The following GALM variants were observed in gnomAD, a reference collection of about 807,000 sequenced individuals.
The protein encoded by GALM is galactose mutarotase.
In GALM, 43 loss-of-function variants were observed where a neutral mutation model predicts 37.4. The ratio of observed to expected loss-of-function variants is 1.15; its 90% CI spans 0.90 to 1.48. The LOEUF is 1.48. GALM is among the 40% of genes most tolerant of loss of function. GALM has a pLI of 0.00. For missense variants in GALM, 456 were observed against 419.1 expected (o/e 1.09, Z -0.77); for synonymous variants, 199 against 170.6 (o/e 1.17, Z -1.30).
At chr2:38,703,066 A>G (rs1321857366) in intron 4 of GALM, among the ~76,000 whole-genome samples, 44 of 2,952 alleles carry the variant, frequency 0.015, no homozygotes, top group African/African-American at 0.03. Context: ...ATATATATAT[A>G]TATATATATA....
chr2:38,728,522 C>T (rs1666532440), intron 4 of GALM, among the ~76,000 whole-genome samples: 1 of 151,974 alleles, frequency 6.6e-6, no homozygotes, highest in African/African-American at 2.4e-5. Flanking sequence ...GGTGAAACCC[C>T]GTCTCTACTA....
intron 4 of GALM, among the ~76,000 whole-genome samples, chr2:38,715,335 G>A (rs896093797): frequency 6.6e-6 from 1 of 152,218 alleles, no homozygotes; most frequent in African/African-American, 2.4e-5. Flanking sequence ...ATATTTCAGT[G>A]CTTCAGTTGA....
At chr2:38,731,670 C>T in intron 5 of GALM, 65 bp from the exon 6 acceptor site, 1 of 1,292,202 alleles carries the variant, frequency 7.7e-7, no homozygotes, top group East Asian at 2.3e-5. Flanking sequence ...AAGCCGCTTC[C>T]CAGCTTCTAC....
rs1473799958 is a variant in GALM, at chr2:38,733,506, C to T, written c.970C>T (p.Leu324=). 6.2e-7 allele frequency: 1 copy of T among 1,613,972 alleles called. No individual in the cohort carries two copies. The highest frequency in any genetic ancestry group is 1.7e-5 in the Admixed American group (1 of 60,010). Residue 324 remains leucine (L), a synonymous_variant, in exon 7 of 7, where the codon CTG becomes TTG. Transcript: ENST00000272252. ...TTCACAGCCCCGCTTCCCTCCTGTG[C>T]TGCTGAGGCCTGGTGAGGAGTATGA... ...AVNQPRFPPV[L]LRPGEEYDHT...
chr2:38,695,319 T>C (rs1665781133), intron 4 of GALM, among the ~76,000 whole-genome samples: 1 of 151,898 alleles, frequency 6.6e-6, no homozygotes, highest in Non-Finnish European at 1.5e-5. Flanking sequence ...ATTAAATAAA[T>C]AAATAAATAA....
chr2:38,715,729 G>C (rs991878744), intron 4 of GALM, among the ~76,000 whole-genome samples: 2 of 152,116 alleles, frequency 1.3e-5, no homozygotes, highest in South Asian at 2.1e-4. Flanking sequence ...CACCGTGTCC[G>C]GCCTGCAATC....
chr2:38,667,770 G>T (rs569857841), intron 1 of GALM, among the ~76,000 whole-genome samples: 3 of 152,134 alleles, frequency 2.0e-5, no homozygotes, highest in African/African-American at 7.2e-5. Flanking sequence ...CTGGGAGGCG[G>T]AAGTTGCAGT....
intron 2 of GALM, among the ~76,000 whole-genome samples, chr2:38,678,129 G>A (rs1665305874): frequency 6.6e-6 from 1 of 150,768 alleles, no homozygotes; most frequent in Non-Finnish European, 1.5e-5. Context: ...CAATTCTCCT[G>A]CCTCAGCCTC....
At position 38,731,900 on chromosome 2, in the gene GALM, A is replaced by G; in HGVS notation, c.942A>G (p.Ala314=). The change falls in exon 6 of 7, where the codon GCA becomes GCG. Residue 314 remains alanine, a synonymous_variant. Coordinates refer to ENST00000272252, the MANE Select transcript of GALM (RefSeq NM_138801.3). ...FCLETQNWPD[A]VNQPRFPPVL... Reference sequence around the variant, plus strand: ...TGGAGACTCAGAACTGGCCTGATGCAGTCAATCAGGTAATGCCACAGGCTG... The same window carrying G: ...TGGAGACTCAGAACTGGCCTGATGCGGTCAATCAGGTAATGCCACAGGCTG... The G allele has an allele frequency of 1.2e-6, 2 of 1,614,026 alleles. No individual in the cohort carries two copies. The highest frequency in any genetic ancestry group is 1.7e-6 in the Non-Finnish European group (2 of 1,179,900).
rs116100345 is a variant in GALM at position 38,733,492 on chromosome 2, G to T, written c.956G>T (p.Arg319Leu). Residue 319 changes from arginine (R) to leucine (L), a missense_variant, in exon 7 of 7, where the codon CGC (arginine) becomes CTC (leucine). Arg to Leu is a moderately radical substitution (Grantham distance 102). Coordinates refer to ENST00000272252, the MANE Select transcript of GALM (RefSeq NM_138801.3). ...TGTGTTGTTTCCCCTTCACAGCCCC[G>T]CTTCCCTCCTGTGCTGCTGAGGCCT... ...QNWPDAVNQP[R>L]FPPVLLRPGE... The T allele has an allele frequency of 6.2e-7, 1 of 1,613,664 alleles. No homozygotes were observed. Among genetic ancestry groups the T allele is most frequent in the Admixed American group, 1.7e-5 (1 of 59,994 alleles).
At chr2:38,701,617 C>G (rs542416681) in intron 4 of GALM, among the ~76,000 whole-genome samples, 3 of 152,100 alleles carry the variant, frequency 2.0e-5, no homozygotes, top group Non-Finnish European at 4.4e-5. Flanking sequence ...TGGTAGGAAA[C>G]GCTTGCCATG....
Position 38,733,831 on chromosome 2 carries a change from AGCCAGGGACTCCCAT to A in GALM, c.*269_*283del. Reference sequence around the variant, plus strand: ...ATGTCGTCATCTAAGCCCTGACCCTAGCCAGGGACTCCCATGCTGCTGTTGGCTCCATCTCTCCAC... The same window carrying A: ...ATGTCGTCATCTAAGCCCTGACCCTAGCTGCTGTTGGCTCCATCTCTCCAC... On this transcript the variant is annotated 3_prime_UTR_variant, in exon 7 of 7. Transcript: ENST00000272252. 4 of 438,878 alleles carry A rather than the reference AGCCAGGGACTCCCAT, an allele frequency of 9.1e-6. No homozygotes were observed. In the South Asian group the frequency reaches 9.2e-5, roughly 10 times the overall value. The allele number at this position is 438,878 out of a possible 1,614,324, so 27.2% of individuals were successfully genotyped here. A position where few individuals can be genotyped will look rare whatever the true frequency, so the allele number is the denominator to read the frequency against.
At chr2:38,722,866 T>A (rs73930949) in intron 4 of GALM, among the ~76,000 whole-genome samples, 3,326 of 152,264 alleles carry the variant, frequency 0.022, 122 homozygotes, top group African/African-American at 0.076. Flanking sequence ...GGAAAGTGCC[T>A]GAGTGGAGAT....
intron 3 of GALM, chr2:38,682,227 A>T (rs1481230314): frequency 4.4e-6 from 2 of 453,106 alleles, no homozygotes; most frequent in Admixed American, 2.4e-5. Context: ...GAACTACCTC[A>T]TTCCCTCCTA....
Position 38,710,783 on chromosome 2 carries a change from C to T in GALM, c.635-18773C>T, listed in dbSNP as rs182204608. On this transcript the variant is annotated intron_variant, in intron 4 of 6. Transcript: ENST00000272252. ...TTTTTTTTTTTTTTAGACGGAGTTT[C>T]ACTCTTATTGCCCAGGCTGGAGTGC... 4.8e-3 allele frequency among the ~76,000 whole-genome samples: 698 copies of T among 144,540 alleles called. 24 individuals carry two copies. In the East Asian group the frequency reaches 0.067, roughly 14 times the overall value. 94.8% of individuals were successfully genotyped at this position (144,540 alleles called of 152,430 possible).
chr2:38,731,969 G>T (rs927004310), intron 6 of GALM, 60 bp downstream of exon 6: 10 of 1,328,034 alleles, frequency 7.5e-6, no homozygotes, highest in African/African-American at 2.9e-5. Flanking sequence ...CTGTACGACA[G>T]AGTTCACTAC....
chr2:38,693,007 A>G (rs1665713603), intron 4 of GALM, among the ~76,000 whole-genome samples: 1 of 152,152 alleles, frequency 6.6e-6, no homozygotes, highest in African/African-American at 2.4e-5. Flanking sequence ...TCAGATCTGT[A>G]CCAGGCTCTG....
chr2:38,689,108 C>T (rs912369300), intron 3 of GALM, among the ~76,000 whole-genome samples: 3 of 152,196 alleles, frequency 2.0e-5, no homozygotes, highest in Non-Finnish European at 4.4e-5. Flanking sequence ...GCATGAGCCA[C>T]CGCGCCCGGC....
chr2:38,702,041 A>G (rs1473127114), intron 4 of GALM, among the ~76,000 whole-genome samples: 2 of 152,154 alleles, frequency 1.3e-5, no homozygotes, highest in South Asian at 2.1e-4. Context: ...TGTTGGTTAT[A>G]TAACTCCATC....
Sources: allele counts gnomAD v4.1 joint callset (sites outside exome capture counted in the v4.1 genomes callset), GRCh38; gene constraint gnomAD v4.1.1; transcripts MANE v1.5; gene names NCBI Gene and HGNC (gene_info 2026-07-23, HGNC 2026-07-21).